TBC1D22A: variants seen among roughly 807,000 people sequenced by gnomAD.
TBC1D22A encodes TBC1 domain family member 22A.
Under a neutral mutation model 60.2 loss-of-function variants are expected in TBC1D22A, and 38 were observed. The observed-to-expected ratio is 0.63, with a 90% CI of 0.49 to 0.83. The LOEUF (loss-of-function observed/expected upper bound fraction) is 0.83, where lower values mean the gene tolerates loss of function less well. Ranked by LOEUF, TBC1D22A falls within the 40% of genes least tolerant of loss-of-function variation. The pLI, the probability that TBC1D22A is intolerant of heterozygous loss-of-function variation, is 0.00. For missense variants in TBC1D22A, 628 were observed against 701.0 expected, an observed-to-expected ratio of 0.90 and a Z score of 1.18; for synonymous variants, 302 against 281.7, an observed-to-expected ratio of 1.07 and a Z score of -0.72.
rs528989804 is a variant in TBC1D22A, at chr22:46,809,728, A to G, written c.637+12108A>G. On this transcript the variant is annotated intron_variant, in intron 4 of 12. Transcript: ENST00000337137. ...GAATGGGGTAATGTCAGAGGCCTCCATAGTGTTTGGGAGGCGTGATGAGGC... is the reference window on the plus strand; with the variant it reads ...GAATGGGGTAATGTCAGAGGCCTCCGTAGTGTTTGGGAGGCGTGATGAGGC... 2.6e-4 allele frequency among the ~76,000 whole-genome samples: 39 copies of G among 152,194 alleles called. No homozygotes were observed. In the East Asian group the frequency reaches 6.4e-3, roughly 25 times the overall value.
chr22:46,888,438 C>T (rs773263703), intron 5 of TBC1D22A, among the ~76,000 whole-genome samples: 1 of 151,936 alleles, frequency 6.6e-6, no homozygotes, highest in Non-Finnish European at 1.5e-5. Context: ...TGTATTTGTT[C>T]ATTCAGTCAC....
chr22:47,033,775 C>T (rs112743221), intron 10 of TBC1D22A, among the ~76,000 whole-genome samples: 4,565 of 152,254 alleles, frequency 0.03, 112 homozygotes, highest in South Asian at 0.086. Flanking sequence ...GGGAAGCCTG[C>T]GTGGTAGCAT....
chr22:47,031,620 G>A (rs1005202968), intron 10 of TBC1D22A, among the ~76,000 whole-genome samples: 2 of 152,052 alleles, frequency 1.3e-5, no homozygotes. Context: ...CAGCTCTGGT[G>A]GTGTGGGGTC....
intron 7 of TBC1D22A, among the ~76,000 whole-genome samples, chr22:46,905,356 A>C (rs1039627453): frequency 6.6e-6 from 1 of 152,228 alleles, no homozygotes; most frequent in Non-Finnish European, 1.5e-5. Flanking sequence ...GGAGACAGTC[A>C]TCCTGTGAGT....
chr22:47,029,340 A>G (rs879804336), intron 10 of TBC1D22A, among the ~76,000 whole-genome samples: 70 of 152,088 alleles, frequency 4.6e-4, no homozygotes, highest in African/African-American at 9.6e-4. Flanking sequence ...ACCCCTCCCA[A>G]TGGGGCCAGG....
intron 5 of TBC1D22A, among the ~76,000 whole-genome samples, chr22:46,887,750 G>A (rs1298183376): frequency 6.6e-6 from 1 of 152,164 alleles, no homozygotes; most frequent in Non-Finnish European, 1.5e-5. Context: ...GGTATTGACG[G>A]ATGTGTTCAG....
chr22:47,163,484 C>T (rs1382067273), intron 12 of TBC1D22A, among the ~76,000 whole-genome samples: 1 of 152,224 alleles, frequency 6.6e-6, no homozygotes. Flanking sequence ...GTGGTAGGGT[C>T]GGTGTGTGCG....
In TBC1D22A at chr22:46,822,744, C is replaced by T. The variant is rs1045341799; in HGVS notation, c.637+25124C>T. Among the ~76,000 whole-genome samples the T allele has an allele frequency of 4.6e-5, 7 of 152,254 alleles. No homozygotes were observed. In the East Asian group the frequency reaches 5.8e-4, roughly 13 times the overall value. ...GTTGGGTGGCATGGGGAGCAGGACCCGCTTAATGAAGCACTTTGTCCCTTG... is the reference window on the plus strand; with the variant it reads ...GTTGGGTGGCATGGGGAGCAGGACCTGCTTAATGAAGCACTTTGTCCCTTG... On this transcript the variant is annotated intron_variant, in intron 4 of 12. Transcript: ENST00000337137.
chr22:46,780,236 A>G (rs938024925), intron 1 of TBC1D22A, among the ~76,000 whole-genome samples: 1 of 152,250 alleles, frequency 6.6e-6, no homozygotes, highest in Non-Finnish European at 1.5e-5. Context: ...TTGATTAGCC[A>G]TCAAATGAAT....
chr22:46,866,225 C>T (rs141992487), intron 4 of TBC1D22A, among the ~76,000 whole-genome samples: 3,590 of 152,304 alleles, frequency 0.024, 58 homozygotes, highest in Non-Finnish European at 0.035. Context: ...CTGCTTCAGC[C>T]TCCCAAGTAG....
intron 1 of TBC1D22A, among the ~76,000 whole-genome samples, chr22:46,768,500 A>C (rs979606325): frequency 3.3e-5 from 5 of 151,610 alleles, no homozygotes; most frequent in Admixed American, 1.3e-4. Context: ...AAAAAAAAAA[A>C]AAAAAAAAAT....
At chr22:47,050,398 A>C (rs962655703) in intron 11 of TBC1D22A, among the ~76,000 whole-genome samples, 4 of 152,182 alleles carry the variant, frequency 2.6e-5, no homozygotes, top group Non-Finnish European at 1.5e-5. Context: ...AAACACCCTG[A>C]TTCTATTTTT....
At chr22:47,100,643 C>T (rs1368796758) in intron 11 of TBC1D22A, among the ~76,000 whole-genome samples, 4 of 152,158 alleles carry the variant, frequency 2.6e-5, no homozygotes, top group Non-Finnish European at 4.4e-5. Flanking sequence ...CTTTTTTGGC[C>T]TGCCACCATC....
chr22:46,802,445 C>T (rs1400654166), intron 4 of TBC1D22A, among the ~76,000 whole-genome samples: 3 of 152,208 alleles, frequency 2.0e-5, no homozygotes, highest in Admixed American at 2.0e-4. Context: ...ATTCTAGGGA[C>T]AGGCCCAGAG....
intron 5 of TBC1D22A, among the ~76,000 whole-genome samples, chr22:46,889,148 G>A (rs2147581747): frequency 6.6e-6 from 1 of 152,236 alleles, no homozygotes; most frequent in South Asian, 2.1e-4. Flanking sequence ...AAATACAAAG[G>A]AAAAAGAGAT....
At chr22:47,163,351 C>T (rs1384615959) in intron 12 of TBC1D22A, among the ~76,000 whole-genome samples, 1 of 152,242 alleles carries the variant, frequency 6.6e-6, no homozygotes, top group Non-Finnish European at 1.5e-5. Context: ...GCCCTCTCCC[C>T]ATAATTCCTG....
intron 4 of TBC1D22A, among the ~76,000 whole-genome samples, chr22:46,853,702 T>C (rs1444312194): frequency 1.3e-5 from 2 of 152,190 alleles, no homozygotes; most frequent in Admixed American, 6.5e-5. Flanking sequence ...ATTAATTAAT[T>C]CAGTTTTATA....
intron 6 of TBC1D22A, among the ~76,000 whole-genome samples, chr22:46,893,156 C>T (rs982749174): frequency 3.3e-5 from 5 of 152,236 alleles, no homozygotes; most frequent in African/African-American, 9.6e-5. Flanking sequence ...GCAGGTTTCC[C>T]GCTTGCTTTC....
intron 11 of TBC1D22A, among the ~76,000 whole-genome samples, chr22:47,043,050 C>T (rs538647501): frequency 2.6e-5 from 4 of 152,334 alleles, no homozygotes; most frequent in South Asian, 4.1e-4. Flanking sequence ...GGGCCCTGTT[C>T]TCAGCCCTCA....
Sources: allele counts gnomAD v4.1 joint callset (sites outside exome capture counted in the v4.1 genomes callset), GRCh38; gene constraint gnomAD v4.1.1; transcripts MANE v1.5; gene names NCBI Gene and HGNC (gene_info 2026-07-23, HGNC 2026-07-21).